LURAP1: variants seen among roughly 807,000 people sequenced by gnomAD.
LURAP1 encodes NF-kappa-B activator C1orf190.
LURAP1 carries 14 observed loss-of-function variants against 19.0 expected under a neutral mutation model. The observed-to-expected ratio is 0.74, with a 90% CI of 0.49 to 1.15. The LOEUF is 1.15. LURAP1 is among the 50% of genes most tolerant of loss of function. The pLI, the probability that LURAP1 is intolerant of heterozygous loss-of-function variation, is 0.00. For missense variants in LURAP1, 273 were observed against 309.1 expected (o/e 0.88, Z 0.87); for synonymous variants, 129 against 131.8 (o/e 0.98, Z 0.14).
At chr1:46,210,301 C>T (rs1240267080) in intron 1 of LURAP1, among the ~76,000 whole-genome samples, 6 of 151,976 alleles carry the variant, frequency 3.9e-5, no homozygotes, top group Non-Finnish European at 8.8e-5. Context: ...TCACTTAATG[C>T]AACACAACAA....
In LURAP1 at chr1:46,203,464, G is replaced by T. The variant is rs759465370; in HGVS notation, c.38G>T (p.Arg13Leu). The T allele has an allele frequency of 6.0e-6, 9 of 1,505,044 alleles. No individual in the cohort carries two copies. Among genetic ancestry groups the T allele is most frequent in the African/African-American group, 2.9e-5 (2 of 69,468 alleles). 93.2% of individuals were successfully genotyped at this position (1,505,044 alleles called of 1,614,324 possible). A position where few individuals can be genotyped will look rare whatever the true frequency, so the allele number is the denominator to read the frequency against. The stretch of plus-strand genomic sequence containing the variant: ...GTGGAGTCCCAGACGCCTGACCTGC[G>T]GGATGTGGAGGGTAAGGTGGGCAGG... ...GTVESQTPDL[R>L]DVEGKVGRKT... is the part of the protein sequence containing the mutation. Residue 13 changes from arginine (R) to leucine (L), a missense_variant, in exon 1 of 2, where the codon CGG (arginine) becomes CTG (leucine). Coordinates refer to ENST00000371980, the MANE Select transcript of LURAP1 (RefSeq NM_001013615.3).
At chr1:46,206,550 C>A (rs138209775) in intron 1 of LURAP1, among the ~76,000 whole-genome samples, 2 of 152,266 alleles carry the variant, frequency 1.3e-5, no homozygotes, top group East Asian at 3.9e-4. Context: ...CTCTCCTGAG[C>A]TGTTTATCCT....
intron 1 of LURAP1, among the ~76,000 whole-genome samples, chr1:46,205,021 G>A (rs1658666990): frequency 1.3e-5 from 2 of 152,180 alleles, no homozygotes; most frequent in Admixed American, 1.3e-4. Flanking sequence ...ACTTTGGGAG[G>A]CCGAGGCAGG....
In LURAP1 at chr1:46,206,499, TG is replaced by T. The variant is rs1571682291; in HGVS notation, c.198+2877del. Among the ~76,000 whole-genome samples, 4 of 152,224 alleles carry T rather than the reference TG, an allele frequency of 2.6e-5. No individual in the cohort carries two copies. The East Asian group carries it at 7.7e-4, about 29-fold the overall frequency. ...GAGGAGTAGGGAGCCTGAATCTCCT[TG>T]GAAGGAGAATTGGGTTTGGAGTCGC... On this transcript the variant is annotated intron_variant, in intron 1 of 1. Coordinates refer to ENST00000371980, the MANE Select transcript of LURAP1 (RefSeq NM_001013615.3).
Position 46,203,425 on chromosome 1 carries a change from G to C in LURAP1, c.-2G>C, listed in dbSNP as rs772237850. On this transcript the variant is annotated 5_prime_UTR_variant, in exon 1 of 2. Transcript: ENST00000371980. ...CCCAGCCCTTTTCAGGCTTGGGCCC[G>C]CATGGAGGGGACCGTGGAGTCCCAG... 2.0e-5 allele frequency: 29 copies of C among 1,457,662 alleles called. No homozygotes were observed. The highest frequency in any genetic ancestry group is 2.6e-5 in the Non-Finnish European group (29 of 1,103,540). 90.3% of individuals were successfully genotyped at this position (1,457,662 alleles called of 1,614,324 possible).
chr1:46,220,035 G>A lies in LURAP1; in HGVS notation c.535G>A (p.Glu179Lys), dbSNP rs1410170213. 6.2e-7 allele frequency: 1 copy of A among 1,614,146 alleles called. No individual in the cohort carries two copies. The highest frequency in any genetic ancestry group is 1.1e-5 in the South Asian group (1 of 91,090). ...MDWAKVIAGGERARTEVDVAA... is the reference protein window; with the variant it reads ...MDWAKVIAGGKRARTEVDVAA... ...CTGGGCAAAAGTTATAGCTGGTGGA[G>A]AGAGGGCCAGGACTGAGGTGGATGT... The change falls in exon 2 of 2, where the codon GAG (glutamate) becomes AAG (lysine). Residue 179 changes from glutamate to lysine, a missense_variant. Physicochemically the swap from Glu to Lys is moderately conservative, Grantham distance 56 (BLOSUM62 1). Transcript: ENST00000371980.
chr1:46,220,161 C>G lies in LURAP1; in HGVS notation c.661C>G (p.Leu221Val), dbSNP rs375709405. The G allele has an allele frequency of 5.5e-5, 89 of 1,613,962 alleles. 2 individuals carry two copies. The highest frequency in any genetic ancestry group is 4.0e-4 in the East Asian group (18 of 44,898). The change falls in exon 2 of 2, where the codon CTG (leucine) becomes GTG (valine). Residue 221 changes from leucine (L) to valine (V), a missense_variant. Coordinates refer to ENST00000371980, the MANE Select transcript of LURAP1 (RefSeq NM_001013615.3). The stretch of plus-strand genomic sequence containing the variant: ...GTCACCAGAGGATGAGAGTGCCAAG[C>G]TGGGCTTCGAGGCCCACTGGTTCTG... ...PESPEDESAK[L>V]GFEAHWFWEQ...
intron 1 of LURAP1, among the ~76,000 whole-genome samples, chr1:46,208,918 T>C (rs1410449894): frequency 2.0e-5 from 3 of 151,964 alleles, no homozygotes; most frequent in Non-Finnish European, 4.4e-5. Flanking sequence ...GACAAGGTAA[T>C]AGGAACAAAA....
At position 46,205,223 on chromosome 1, in the gene LURAP1, AC is replaced by A. The variant is rs1658673947; in HGVS notation, c.198+1600del. Among the ~76,000 whole-genome samples the A allele has an allele frequency of 2.0e-5, 3 of 152,096 alleles. No individual in the cohort carries two copies. The South Asian group carries it at 6.2e-4, about 32-fold the overall frequency. ...CAGTGAGCTGAAATCGCACCACTGCACTCCAGCCTGGGTGACAGAGCTCAGA... is the reference window on the plus strand; with the variant it reads ...CAGTGAGCTGAAATCGCACCACTGCATCCAGCCTGGGTGACAGAGCTCAGA... On this transcript the variant is annotated intron_variant, in intron 1 of 1. Coordinates refer to ENST00000371980, the MANE Select transcript of LURAP1 (RefSeq NM_001013615.3).
intron 1 of LURAP1, among the ~76,000 whole-genome samples, chr1:46,210,462 G>A (rs1267517817): frequency 6.6e-6 from 1 of 152,132 alleles, no homozygotes; most frequent in Non-Finnish European, 1.5e-5. Context: ...CACAGGTTGA[G>A]GGCTCAGTCC....
At chr1:46,206,055 G>A (rs1043839794) in intron 1 of LURAP1, among the ~76,000 whole-genome samples, 3 of 152,232 alleles carry the variant, frequency 2.0e-5, no homozygotes, top group African/African-American at 7.2e-5. Flanking sequence ...GCCAGACTGG[G>A]ATATGTGGGA....
In LURAP1 at chr1:46,219,731, G is replaced by A; in HGVS notation, c.231G>A (p.Leu77=). The change falls in exon 2 of 2, where the codon CTG becomes CTA. Residue 77 remains leucine, a synonymous_variant. Transcript: ENST00000371980. ...AYLRAIDVKI[L]QQLVTLNEGI... ...TGCGAGCCATCGATGTGAAGATCCT[G>A]CAGCAGCTGGTGACCTTGAATGAGG... 1 of 1,606,386 alleles carries A rather than the reference G, an allele frequency of 6.2e-7. No homozygotes were observed. Among genetic ancestry groups the A allele is most frequent in the South Asian group, 1.1e-5 (1 of 89,742 alleles).
chr1:46,207,261 A>G (rs908162317), intron 1 of LURAP1, among the ~76,000 whole-genome samples: 1 of 151,850 alleles, frequency 6.6e-6, no homozygotes, highest in Non-Finnish European at 1.5e-5. Flanking sequence ...TTGTATTTTT[A>G]GTAGAGACGG....
At chr1:46,211,954 G>A (rs1022034889) in intron 1 of LURAP1, among the ~76,000 whole-genome samples, 1 of 152,040 alleles carries the variant, frequency 6.6e-6, no homozygotes, top group African/African-American at 2.4e-5. Flanking sequence ...TAGAGACGGG[G>A]TTTCACCATG....
chr1:46,214,047 A>G (rs1286722465), intron 1 of LURAP1, among the ~76,000 whole-genome samples: 2 of 152,108 alleles, frequency 1.3e-5, no homozygotes, highest in Non-Finnish European at 2.9e-5. Flanking sequence ...CTAAATAAAT[A>G]GGAAAAAGCA....
At chr1:46,213,151 A>G (rs1045230917) in intron 1 of LURAP1, among the ~76,000 whole-genome samples, 1 of 151,972 alleles carries the variant, frequency 6.6e-6, no homozygotes, top group African/African-American at 2.4e-5. Flanking sequence ...GTGTGTACAC[A>G]TACACAAATA....
At chr1:46,211,900 TACAGGCGTGCGCC>T (rs1658908431) in intron 1 of LURAP1, among the ~76,000 whole-genome samples, 1 of 152,172 alleles carries the variant, frequency 6.6e-6, no homozygotes, top group Admixed American at 6.5e-5. Flanking sequence ...TAGCTGGGCT[TACAGGCGTGCGCC>T]ACAACGCCTG....
In LURAP1 at chr1:46,203,504, G is replaced by T. The variant is rs767211043; in HGVS notation, c.78G>T (p.Gly26=). The change falls in exon 1 of 2, where the codon GGG becomes GGT. Residue 26 remains glycine (G), a synonymous_variant. Transcript: ENST00000371980. Reference sequence around the variant, plus strand: ...AGGTGGGCAGGAAGACCCCTGAAGGGCTGCTCCGCGGGCTGCGAGGCGAGT... The same window carrying T: ...AGGTGGGCAGGAAGACCCCTGAAGGTCTGCTCCGCGGGCTGCGAGGCGAGT... The part of the protein sequence containing the change: ...EGKVGRKTPE[G]LLRGLRGECE... The T allele has an allele frequency of 2.6e-6, 4 of 1,558,494 alleles. No individual in the cohort carries two copies. Among genetic ancestry groups the T allele is most frequent in the Non-Finnish European group, 8.7e-7 (1 of 1,154,202 alleles).
At chr1:46,206,441 T>C (rs1658719562) in intron 1 of LURAP1, among the ~76,000 whole-genome samples, 1 of 152,094 alleles carries the variant, frequency 6.6e-6, no homozygotes, top group Non-Finnish European at 1.5e-5. Flanking sequence ...ACCCCAGCGC[T>C]GGGCAGAGAG....
Sources: allele counts gnomAD v4.1 joint callset (sites outside exome capture counted in the v4.1 genomes callset), GRCh38; gene constraint gnomAD v4.1.1; transcripts MANE v1.5; gene names NCBI Gene and HGNC (gene_info 2026-07-23, HGNC 2026-07-21).